The following ANK2 variants were observed in gnomAD, a reference collection of about 807,000 sequenced individuals.
ANK2 encodes ankyrin-2.
ANK2 carries 83 observed loss-of-function variants against 360.5 expected under a neutral mutation model. That is an observed-to-expected ratio of 0.23 (90% confidence interval 0.19 to 0.28). ANK2 has a LOEUF of 0.28. ANK2 is among the 10% of genes least tolerant of loss of function. ANK2 has a pLI of 1.00. For missense variants in ANK2, 4,201 were observed against 4,795.7 expected (o/e 0.88, Z 3.66); for synonymous variants, 1,740 against 1,759.5 (o/e 0.99, Z 0.28).
chr4:112,979,103 C>T (rs571016984), intron 2 of ANK2, among the ~76,000 whole-genome samples: 10 of 152,356 alleles, frequency 6.6e-5, no homozygotes, highest in African/African-American at 2.4e-4. Flanking sequence ...GCCTGCTGGG[C>T]TCGTTCTGCC....
intron 2 of ANK2, among the ~76,000 whole-genome samples, chr4:113,177,102 T>C (rs1311763919): frequency 6.6e-6 from 1 of 152,182 alleles, no homozygotes; most frequent in African/African-American, 2.4e-5. Context: ...TTTAATACTT[T>C]TCACGTAAAC....
chr4:113,347,933 G>C (rs1013361509), intron 35 of ANK2: 1 of 267,872 alleles, frequency 3.7e-6, no homozygotes, highest in African/African-American at 2.2e-5. Context: ...ACCAATATCT[G>C]TAATGATTGG....
chr4:113,241,932 A>G (rs1328580216), intron 8 of ANK2, among the ~76,000 whole-genome samples, 179 bp from the exon 9 acceptor site: 9 of 152,098 alleles, frequency 5.9e-5, no homozygotes, highest in African/African-American at 2.4e-5. Flanking sequence ...TTCTCTAACT[A>G]TATTGTTTTG....
chr4:113,236,436 T>C (rs531263489), intron 5 of ANK2, among the ~76,000 whole-genome samples: 2 of 152,378 alleles, frequency 1.3e-5, no homozygotes, highest in African/African-American at 4.8e-5. Flanking sequence ...TAATAAGTTA[T>C]CCTAATTTGC....
At chr4:112,998,942 A>G (rs2049615847) in intron 2 of ANK2, among the ~76,000 whole-genome samples, 1 of 152,180 alleles carries the variant, frequency 6.6e-6, no homozygotes, top group African/African-American at 2.4e-5. Context: ...TCAAAATGGG[A>G]GAGATTGGAA....
chr4:112,788,758 T>G, the ANK2 span: 1 of 1,533,622 alleles, frequency 6.5e-7, no homozygotes, highest in Non-Finnish European at 8.9e-7. Flanking sequence ...TCCTGTCCAA[T>G]GCCAAAATTC....
chr4:113,241,189 A>G (rs1256394593), intron 8 of ANK2, among the ~76,000 whole-genome samples: 1 of 152,262 alleles, frequency 6.6e-6, no homozygotes, highest in Non-Finnish European at 1.5e-5. Context: ...TATCCTTGCC[A>G]TAATGATGAT....
intron 1 of ANK2, among the ~76,000 whole-genome samples, chr4:112,870,136 C>G (rs943992624): frequency 6.6e-6 from 1 of 151,928 alleles, no homozygotes; most frequent in African/African-American, 2.4e-5. Context: ...GTAGCTGGGA[C>G]TACAGGTGCC....
intron 1 of ANK2, among the ~76,000 whole-genome samples, chr4:112,840,834 A>G (rs960023009): frequency 3.3e-5 from 5 of 152,236 alleles, no homozygotes; most frequent in Non-Finnish European, 5.9e-5. Context: ...ATAAGCCAGG[A>G]TTCCAACCCA....
At chr4:113,261,733 C>G (rs2053032051) in intron 13 of ANK2, among the ~76,000 whole-genome samples, 1 of 151,940 alleles carries the variant, frequency 6.6e-6, no homozygotes. Context: ...GAATTTAAGC[C>G]TTAGTGCTTT....
At chr4:113,071,690 T>G (rs2077603964) in intron 1 of ANK2, 1 of 152,320 alleles carries the variant, frequency 6.6e-6, no homozygotes, top group Non-Finnish European at 1.5e-5. Flanking sequence ...TCCTTTCCCA[T>G]TTTGAATAAA....
chr4:112,943,799 G>C (rs576240603), intron 2 of ANK2, among the ~76,000 whole-genome samples: 3 of 152,104 alleles, frequency 2.0e-5, no homozygotes, highest in Admixed American at 2.0e-4. Context: ...TAAACATTTG[G>C]GGGAGAGGGT....
At chr4:112,706,189 C>A in the ANK2 span, among the ~76,000 whole-genome samples, 1 of 151,886 alleles carries the variant, frequency 6.6e-6, no homozygotes, top group Admixed American at 6.5e-5. Flanking sequence ...GGGGCCTCCA[C>A]CCCGCCGAAC....
At chr4:113,344,906 C>G (rs2094667957) in intron 34 of ANK2, among the ~76,000 whole-genome samples, 1 of 151,918 alleles carries the variant, frequency 6.6e-6, no homozygotes, top group South Asian at 2.1e-4. Context: ...TTGCTAGGGA[C>G]AGGAGAAGTG....
intron 1 of ANK2, among the ~76,000 whole-genome samples, chr4:113,166,940 A>G (rs2097772157): frequency 6.6e-6 from 1 of 152,160 alleles, no homozygotes; most frequent in African/African-American, 2.4e-5. Context: ...AAGCCTCATG[A>G]ATATCAGAAC....
chr4:112,941,872 T>C (rs1469637795), intron 2 of ANK2, among the ~76,000 whole-genome samples: 2 of 150,706 alleles, frequency 1.3e-5, no homozygotes, highest in East Asian at 3.9e-4. Context: ...AAGTTTGCTG[T>C]TTGCCTCAGT....
chr4:113,202,134 G>A (rs1329141894), intron 4 of ANK2, among the ~76,000 whole-genome samples: 2 of 151,562 alleles, frequency 1.3e-5, no homozygotes, highest in African/African-American at 4.8e-5. Context: ...ATTAATAGTT[G>A]AAAAAAAGTA....
intron 1 of ANK2, among the ~76,000 whole-genome samples, chr4:112,850,752 G>A (rs80265100): frequency 7.9e-5 from 12 of 151,306 alleles, no homozygotes. Context: ...TCCTGACCTC[G>A]TGATCCGCCC....
rs1183835955 is a variant in ANK2 at position 113,218,831 on chromosome 4, T to A, written c.385-13330T>A. Among the ~76,000 whole-genome samples the A allele has an allele frequency of 2.6e-5, 4 of 152,002 alleles. No homozygotes were observed. The South Asian group carries it at 6.2e-4, about 24-fold the overall frequency. On this transcript the variant is annotated intron_variant, in intron 4 of 45. Coordinates refer to ENST00000357077, the MANE Select transcript of ANK2 (RefSeq NM_001148.6). Reference sequence around the variant, plus strand: ...ATGGCTTATTCTAAGTGGTTTAATCTAGAAAGTCATTTTTTATTTTTATTA... The same window carrying A: ...ATGGCTTATTCTAAGTGGTTTAATCAAGAAAGTCATTTTTTATTTTTATTA...
Sources: allele counts gnomAD v4.1 joint callset (sites outside exome capture counted in the v4.1 genomes callset), GRCh38; gene constraint gnomAD v4.1.1; transcripts MANE v1.5; gene names NCBI Gene and HGNC (gene_info 2026-07-23, HGNC 2026-07-21).